The following C3orf33 variants were observed in gnomAD, a reference collection of about 807,000 sequenced individuals.
C3orf33 encodes the protein mitochondrial inner membrane subdomain organizer 1, also known as AP-1 activity suppressor.
A neutral mutation model predicts 28.7 loss-of-function variants in C3orf33; 23 were observed. The ratio of observed to expected loss-of-function variants is 0.80; its 90% CI spans 0.58 to 1.13. C3orf33 has a LOEUF of 1.13. Ranked by LOEUF, C3orf33 falls within the 50% of genes most tolerant of loss-of-function variation. The pLI, the probability that C3orf33 is intolerant of heterozygous loss-of-function variation, is 0.00. For missense variants in C3orf33, 327 were observed against 353.4 expected, an observed-to-expected ratio of 0.93 and a Z score of 0.60; for synonymous variants, 119 against 120.5, an observed-to-expected ratio of 0.99 and a Z score of 0.08.
chr3:155,793,393 A>G (rs945126443), intron 2 of C3orf33, among the ~76,000 whole-genome samples: 3 of 151,832 alleles, frequency 2.0e-5, no homozygotes, highest in Non-Finnish European at 4.4e-5. Flanking sequence ...AAGAAAGAAA[A>G]AAAACGGATG....
At chr3:155,770,398 C>T (rs571755846) in intron 3 of C3orf33, among the ~76,000 whole-genome samples, 16 of 152,098 alleles carry the variant, frequency 1.1e-4, no homozygotes, top group Non-Finnish European at 2.2e-4. Context: ...ATGTCTCTGG[C>T]GAAGCAGAGC....
At chr3:155,763,961 GTT>G in intron 4 of C3orf33, 43 bp from the exon 5 acceptor site, 2 of 1,275,922 alleles carry the variant, frequency 1.6e-6, no homozygotes, top group Non-Finnish European at 2.0e-6. Flanking sequence ...TAAGATAATT[GTT>G]GTTATACCCA....
chr3:155,778,689 T>C (rs1750827353), intron 2 of C3orf33, among the ~76,000 whole-genome samples: 2 of 152,200 alleles, frequency 1.3e-5, no homozygotes, highest in Admixed American at 6.5e-5. Context: ...AAGTTGCTTA[T>C]GACAAGTTTA....
At chr3:155,783,236 C>T (rs1022749899) in intron 2 of C3orf33, among the ~76,000 whole-genome samples, 1 of 149,608 alleles carries the variant, frequency 6.7e-6, no homozygotes, top group Non-Finnish European at 1.5e-5. Context: ...CTCACTGCAA[C>T]CTCCGTCTCC....
chr3:155,775,616 A>G, intron 3 of C3orf33, 85 bp downstream of exon 3: 1 of 947,430 alleles, frequency 1.1e-6, no homozygotes, highest in Non-Finnish European at 1.5e-6. Context: ...AGGAATTAAA[A>G]TGACTTTTTT....
chr3:155,805,971 C>T (rs1367094325), intron 1 of C3orf33, among the ~76,000 whole-genome samples, 168 bp downstream of exon 1: 2 of 152,142 alleles, frequency 1.3e-5, no homozygotes. Context: ...CCCTCTGCAG[C>T]CCCGCACACA....
At chr3:155,782,290 A>G (rs1750950784) in intron 2 of C3orf33, among the ~76,000 whole-genome samples, 1 of 151,928 alleles carries the variant, frequency 6.6e-6, no homozygotes, top group Admixed American at 6.6e-5. Flanking sequence ...CATATGCACT[A>G]GAGGAGTCCC....
At chr3:155,800,626 A>C (rs1751618155) in intron 2 of C3orf33, among the ~76,000 whole-genome samples, 1 of 146,756 alleles carries the variant, frequency 6.8e-6, no homozygotes, top group Admixed American at 6.8e-5. Context: ...AAAAAAAAAA[A>C]AAAAAAAAAA....
Position 155,767,612 on chromosome 3 carries a change from C to T in C3orf33, c.380G>A (p.Gly127Glu). ...TAGCTCTTTTTGTAACCATGCCTTC[C>T]CAGTTTCAGCGAGTTCTACTCCAGC... ...KLAGVELAETGKAWLQKELKP... is the reference protein window; with the variant it reads ...KLAGVELAETEKAWLQKELKP... Residue 127 changes from glycine to glutamate, a missense_variant, in exon 4 of 5, where the codon GGG (glycine) becomes GAG (glutamate). Transcript: ENST00000340171. The T allele has an allele frequency of 6.3e-7, 1 of 1,589,180 alleles. No homozygotes were observed. The highest frequency in any genetic ancestry group is 8.6e-7 in the Non-Finnish European group (1 of 1,164,796).
In C3orf33 at chr3:155,806,189, C is replaced by A. The variant is rs1242348119; in HGVS notation, c.64G>T (p.Val22Phe). 6.7e-7 allele frequency: 1 copy of A among 1,503,462 alleles called. No homozygotes were observed. Among genetic ancestry groups the A allele is most frequent in the Admixed American group, 2.0e-5 (1 of 49,646 alleles). 93.1% of individuals were successfully genotyped at this position (1,503,462 alleles called of 1,614,324 possible). The change falls in exon 1 of 5, where the codon GTC becomes TTC. Residue 22 changes from valine to phenylalanine, a missense_variant. By Grantham distance (50) the Val-to-Phe change is conservative. Coordinates refer to ENST00000340171, the MANE Select transcript of C3orf33 (RefSeq NM_001308229.2). ...SADKDGMEPN[V>F]VARISQWADD... ...GCCCACTGCGAGATCCGAGCCACGACGTTGGGCTCCATTCCGTCCTTGTCG... is the reference window on the plus strand; with the variant it reads ...GCCCACTGCGAGATCCGAGCCACGAAGTTGGGCTCCATTCCGTCCTTGTCG...
At chr3:155,799,535 A>C (rs754437199) in intron 2 of C3orf33, among the ~76,000 whole-genome samples, 1 of 152,106 alleles carries the variant, frequency 6.6e-6, no homozygotes, top group South Asian at 2.1e-4. Flanking sequence ...CAAAAAGTAC[A>C]AAAATTAGCT....
intron 2 of C3orf33, among the ~76,000 whole-genome samples, chr3:155,794,583 A>T (rs1177266272): frequency 6.6e-6 from 1 of 152,140 alleles, no homozygotes; most frequent in Non-Finnish European, 1.5e-5. Flanking sequence ...AAAGACATAG[A>T]GTAGCTGAAT....
chr3:155,778,431 T>C (rs111976567), intron 2 of C3orf33, among the ~76,000 whole-genome samples: 2,942 of 152,350 alleles, frequency 0.019, 83 homozygotes, highest in African/African-American at 0.067. Flanking sequence ...TGTCTCATGA[T>C]GTCTGCAACT....
chr3:155,765,678 G>T (rs1004073259), intron 4 of C3orf33, among the ~76,000 whole-genome samples: 1 of 152,070 alleles, frequency 6.6e-6, no homozygotes, highest in Non-Finnish European at 1.5e-5. Flanking sequence ...CTCCTGAGTA[G>T]CTGGGATTCC....
Position 155,793,111 on chromosome 3 carries a change from C to G in C3orf33, c.174+9421G>C, listed in dbSNP as rs186992913. Among the ~76,000 whole-genome samples, 11 of 152,064 alleles carry G rather than the reference C, an allele frequency of 7.2e-5. No individual in the cohort carries two copies. The East Asian group carries it at 2.1e-3, about 29-fold the overall frequency. On this transcript the variant is annotated intron_variant, in intron 2 of 4. Transcript: ENST00000340171. Reference sequence around the variant, plus strand: ...AAGAAACAAATAGCATACAATGGCACTCCAATACATCTGGCAGCAGACTTT... The same window carrying G: ...AAGAAACAAATAGCATACAATGGCAGTCCAATACATCTGGCAGCAGACTTT...
At chr3:155,801,289 C>T (rs138136038) in intron 2 of C3orf33, among the ~76,000 whole-genome samples, 1,607 of 142,346 alleles carry the variant, frequency 0.011, 35 homozygotes, top group African/African-American at 0.041. Context: ...CCTTCCTGGG[C>T]GACAGAGTGA....
At chr3:155,766,787 A>G (rs897566612) in intron 4 of C3orf33, among the ~76,000 whole-genome samples, 34 of 152,018 alleles carry the variant, frequency 2.2e-4, no homozygotes, top group Admixed American at 2.0e-3. Flanking sequence ...CATCTCTACT[A>G]AAAATACAAA....
intron 2 of C3orf33, among the ~76,000 whole-genome samples, chr3:155,777,737 C>A (rs1332624787): frequency 6.6e-6 from 1 of 152,096 alleles, no homozygotes; most frequent in African/African-American, 2.4e-5. Flanking sequence ...CACCTTCTTG[C>A]CAAAATGCTT....
intron 4 of C3orf33, among the ~76,000 whole-genome samples, chr3:155,765,700 A>G (rs908911312): frequency 6.6e-6 from 1 of 152,050 alleles, no homozygotes; most frequent in African/African-American, 2.4e-5. Context: ...GGCACCCGGC[A>G]CCATGCCCAG....
Sources: gnomAD v4.1 joint callset for allele counts (sites outside exome capture counted in the v4.1 genomes callset) on GRCh38, gnomAD v4.1.1 for gene constraint, MANE v1.5 for transcripts, NCBI Gene and HGNC (gene_info 2026-07-23, HGNC 2026-07-21) for gene names.